The following SPAG16 variants were observed in gnomAD, a reference collection of about 807,000 sequenced individuals.
The protein encoded by SPAG16 is sperm-associated antigen 16 protein.
Under a neutral mutation model 80.4 loss-of-function variants are expected in SPAG16, and 86 were observed. The observed-to-expected ratio is 1.07, with a 90% CI of 0.90 to 1.28. The LOEUF is 1.28. Among genes scored for constraint, SPAG16 ranks in the 50% most tolerant of loss-of-function variants. The pLI, the probability that SPAG16 is intolerant of heterozygous loss-of-function variation, is 0.00. For synonymous variants in SPAG16, 294 were observed against 265.9 expected, an observed-to-expected ratio of 1.11 and a Z score of -1.03; for missense variants, 870 against 765.3, an observed-to-expected ratio of 1.14 and a Z score of -1.61.
chr2:214,025,876 A>G (rs2048101336), intron 13 of SPAG16, among the ~76,000 whole-genome samples: 1 of 151,598 alleles, frequency 6.6e-6, no homozygotes, highest in East Asian at 1.9e-4. Context: ...TAAGGACAAA[A>G]ACCTTAAATT....
chr2:214,005,466 G>C (rs536268183), intron 12 of SPAG16, among the ~76,000 whole-genome samples: 1 of 152,254 alleles, frequency 6.6e-6, no homozygotes, highest in East Asian at 1.9e-4. Flanking sequence ...ATCATCGAGG[G>C]TTTTGGCCAA....
chr2:213,889,851 C>A (rs1292087978), intron 11 of SPAG16, among the ~76,000 whole-genome samples: 1 of 151,604 alleles, frequency 6.6e-6, no homozygotes, highest in African/African-American at 2.4e-5. Flanking sequence ...AACTAAATAT[C>A]TCGACTTCAA....
intron 10 of SPAG16, among the ~76,000 whole-genome samples, chr2:213,699,070 G>C (rs1332846416): frequency 1.3e-5 from 2 of 152,016 alleles, no homozygotes; most frequent in African/African-American, 4.8e-5. Context: ...CATTGCTGTT[G>C]TTGTAGTAGT....
At chr2:214,153,617 GT>G (rs2056083411) in intron 15 of SPAG16, among the ~76,000 whole-genome samples, 2 of 151,944 alleles carry the variant, frequency 1.3e-5, no homozygotes, top group South Asian at 4.2e-4. Flanking sequence ...AAACATATTG[GT>G]GCACAAGAAA....
At chr2:213,671,468 G>A (rs181368322) in intron 10 of SPAG16, among the ~76,000 whole-genome samples, 1 of 152,248 alleles carries the variant, frequency 6.6e-6, no homozygotes, top group East Asian at 1.9e-4. Flanking sequence ...GCAGAACTGT[G>A]AGCAAGATGG....
chr2:213,534,609 C>A (rs916099813), intron 10 of SPAG16, among the ~76,000 whole-genome samples: 1 of 152,006 alleles, frequency 6.6e-6, no homozygotes, highest in African/African-American at 2.4e-5. Context: ...AAAACATACT[C>A]ATTGAAAGAA....
chr2:213,369,716 A>G (rs1312670531), intron 8 of SPAG16, among the ~76,000 whole-genome samples: 1 of 152,164 alleles, frequency 6.6e-6, no homozygotes, highest in African/African-American at 2.4e-5. Context: ...ATTTTTTAAA[A>G]AGGATAAACT....
chr2:214,059,260 G>GTATATATATA (rs34712920), intron 13 of SPAG16, among the ~76,000 whole-genome samples: 1 of 132,998 alleles, frequency 7.5e-6, no homozygotes, highest in African/African-American at 2.9e-5. Context: ...ATATATGTAT[G>GTATATATATA]TATATATATA....
At position 214,114,902 on chromosome 2, in the gene SPAG16, G is replaced by T. The variant is rs533806521; in HGVS notation, c.1593+6641G>T. Among the ~76,000 whole-genome samples, 3 of 152,308 alleles carry T rather than the reference G, an allele frequency of 2.0e-5. No individual in the cohort carries two copies. In the South Asian group the frequency reaches 6.2e-4, roughly 32 times the overall value. On this transcript the variant is annotated intron_variant, in intron 14 of 15. Transcript: ENST00000331683. ...GTCTTCTGCATTGATCATGCTGGGA[G>T]TTGCAGACTGGTGCTGTTCCTATTT...
intron 12 of SPAG16, among the ~76,000 whole-genome samples, chr2:214,002,492 C>T (rs2046837678): frequency 6.6e-6 from 1 of 151,970 alleles, no homozygotes; most frequent in Non-Finnish European, 1.5e-5. Context: ...CTGTATTAAT[C>T]AGGGTTCTCC....
At chr2:213,917,432 T>C (rs1320895205) in intron 11 of SPAG16, among the ~76,000 whole-genome samples, 3 of 152,244 alleles carry the variant, frequency 2.0e-5, no homozygotes, top group East Asian at 1.9e-4. Flanking sequence ...CAGTTGTCTG[T>C]GTCACCTCTG....
At chr2:213,830,769 C>T (rs2073589593) in intron 10 of SPAG16, among the ~76,000 whole-genome samples, 1 of 152,058 alleles carries the variant, frequency 6.6e-6, no homozygotes, top group Non-Finnish European at 1.5e-5. Context: ...TTCGAAGGCC[C>T]ACTTTCAGTC....
chr2:213,777,237 ATTTTTTT>A (rs59548915), intron 10 of SPAG16, among the ~76,000 whole-genome samples: 3 of 82,702 alleles, frequency 3.6e-5, no homozygotes, highest in Non-Finnish European at 4.4e-5. Context: ...GTTTGTAGGA[ATTTTTTT>A]TTTTTTTTTT....
intron 10 of SPAG16, among the ~76,000 whole-genome samples, chr2:213,704,993 C>G (rs982614825): frequency 6.6e-6 from 1 of 152,166 alleles, no homozygotes; most frequent in Non-Finnish European, 1.5e-5. Context: ...GGGCTTGCGC[C>G]TGTAATCCCA....
At chr2:213,770,906 T>C (rs2069207677) in intron 10 of SPAG16, among the ~76,000 whole-genome samples, 1 of 152,188 alleles carries the variant, frequency 6.6e-6, no homozygotes, top group Admixed American at 6.5e-5. Flanking sequence ...CTATTTTGAA[T>C]AGTGCTGCAG....
intron 15 of SPAG16, among the ~76,000 whole-genome samples, chr2:214,274,896 G>A (rs985541213): frequency 6.6e-6 from 1 of 152,150 alleles, no homozygotes; most frequent in African/African-American, 2.4e-5. Flanking sequence ...TGTACCTCTA[G>A]TAGAATTGAG....
intron 12 of SPAG16, among the ~76,000 whole-genome samples, chr2:214,002,983 G>C (rs1185744593): frequency 3.3e-5 from 5 of 152,010 alleles, no homozygotes; most frequent in Non-Finnish European, 5.9e-5. Context: ...TCCAATAGTG[G>C]TGTGCTTGCA....
chr2:213,804,390 G>T (rs1005626769), intron 10 of SPAG16, among the ~76,000 whole-genome samples: 6 of 152,198 alleles, frequency 3.9e-5, no homozygotes, highest in Admixed American at 3.3e-4. Context: ...GGCTACTAAA[G>T]AACATTATAA....
At chr2:213,371,236 G>A (rs1173577066) in intron 8 of SPAG16, among the ~76,000 whole-genome samples, 3 of 151,340 alleles carry the variant, frequency 2.0e-5, no homozygotes, top group East Asian at 3.9e-4. Flanking sequence ...GTAAAACCCC[G>A]TCTACTAAAA....
Sources: allele counts gnomAD v4.1 joint callset (sites outside exome capture counted in the v4.1 genomes callset), GRCh38; gene constraint gnomAD v4.1.1; transcripts MANE v1.5; gene names NCBI Gene and HGNC (gene_info 2026-07-23, HGNC 2026-07-21).